Variants in PTPRA observed in about 807,000 individuals in gnomAD.
PTPRA encodes the protein protein tyrosine phosphatase receptor type A, also known as receptor-type tyrosine-protein phosphatase alpha.
A neutral mutation model predicts 104.8 loss-of-function variants in PTPRA; 25 were observed. That is an observed-to-expected ratio of 0.24 (90% CI 0.17 to 0.33). PTPRA has a LOEUF of 0.33. Ranked by LOEUF, PTPRA falls within the 10% of genes least tolerant of loss-of-function variation. The probability of loss-of-function intolerance (pLI) is 1.00; values close to 1 mark genes in which losing one functional copy is unlikely to be tolerated. For missense variants in PTPRA, 765 were observed against 1,015.3 expected (o/e 0.75, Z 3.35); for synonymous variants, 323 against 368.9 (o/e 0.88, Z 1.43).
At chr20:3,020,756 C>A (rs1291022849) in intron 13 of PTPRA, among the ~76,000 whole-genome samples, 1 of 152,202 alleles carries the variant, frequency 6.6e-6, no homozygotes, top group Non-Finnish European at 1.5e-5. Context: ...GTGTCATGAT[C>A]AACAGCTCCA....
intron 1 of PTPRA, among the ~76,000 whole-genome samples, chr20:2,910,920 CTTTT>C (rs11473733): frequency 7.6e-6 from 1 of 131,186 alleles, no homozygotes; most frequent in Non-Finnish European, 1.6e-5. Flanking sequence ...TTTATTTTAA[CTTTT>C]TTTTTTTTTT....
intron 9 of PTPRA, among the ~76,000 whole-genome samples, chr20:2,999,853 A>G (rs1600232931): frequency 1.3e-5 from 2 of 152,238 alleles, no homozygotes; most frequent in Admixed American, 1.3e-4. Context: ...ATGAATTTAC[A>G]TGAAAATGCA....
rs144514387 is a variant in PTPRA at position 3,007,089 on chromosome 20, A to G, written c.830-255A>G. ...ATATTGTCAGTTCATCTGTCAAGAAACTTTCTTTTTTCTCAACTACTTAGT... is the reference window on the plus strand; with the variant it reads ...ATATTGTCAGTTCATCTGTCAAGAAGCTTTCTTTTTTCTCAACTACTTAGT... On this transcript the variant is annotated intron_variant, in intron 10 of 23. Coordinates refer to ENST00000399903, the MANE Select transcript of PTPRA (RefSeq NM_001385305.1). 6.6e-5 allele frequency among the ~76,000 whole-genome samples: 10 copies of G among 152,288 alleles called. No homozygotes were observed. In the East Asian group the frequency reaches 1.9e-3, roughly 29 times the overall value.
chr20:2,984,925 C>T (rs1034832856), intron 6 of PTPRA, among the ~76,000 whole-genome samples: 1 of 152,196 alleles, frequency 6.6e-6, no homozygotes, highest in Admixed American at 6.5e-5. Context: ...GCTCCCCAAC[C>T]TGTCACTTTC....
intron 9 of PTPRA, among the ~76,000 whole-genome samples, chr20:2,997,969 A>G (rs1308883957): frequency 6.6e-6 from 1 of 151,994 alleles, no homozygotes; most frequent in Admixed American, 6.6e-5. Context: ...CTACAAAACA[A>G]TTTTTTTTAA....
At position 3,035,777 on chromosome 20, in the gene PTPRA, C is replaced by CT. The variant is rs200223263; in HGVS notation, c.2047-7dup. On this transcript the variant is annotated splice_polypyrimidine_tract_variant and intron_variant, in intron 21 of 23. Transcript: ENST00000399903. This position sits in a 1 kb window ranked among gnomAD's most constrained non-coding sequence, Gnocchi z 5.8. ...GGGTTACCCCTGCCTCCCTGATCCC[C>CT]TTTTTTCCAAAGGAGAATAAGAGCC... The CT allele has an allele frequency of 3.7e-6, 6 of 1,614,196 alleles. No homozygotes were observed. The East Asian group carries it at 1.3e-4, about 36-fold the overall frequency.
At chr20:2,952,882 G>T (rs1256399296) in intron 3 of PTPRA, among the ~76,000 whole-genome samples, 3 of 152,150 alleles carry the variant, frequency 2.0e-5, no homozygotes, top group African/African-American at 7.2e-5. Context: ...GGTAGCATGT[G>T]TCAGAATTTC....
intron 16 of PTPRA, among the ~76,000 whole-genome samples, chr20:3,024,097 C>T (rs2065019330): frequency 6.6e-6 from 1 of 152,158 alleles, no homozygotes; most frequent in Non-Finnish European, 1.5e-5. Context: ...ATTGGCTCTG[C>T]AGTTGGGGCA....
intron 6 of PTPRA, among the ~76,000 whole-genome samples, chr20:2,976,339 G>T (rs2062430897): frequency 1.3e-5 from 2 of 152,184 alleles, no homozygotes; most frequent in South Asian, 4.1e-4. Flanking sequence ...TTACAATAAA[G>T]TCAAAAGTCA....
intron 9 of PTPRA, among the ~76,000 whole-genome samples, chr20:2,997,403 G>A (rs1454907442): frequency 1.3e-5 from 2 of 152,098 alleles, no homozygotes; most frequent in African/African-American, 4.8e-5. Flanking sequence ...AGTTTGCTTC[G>A]ATGGATATAT....
intron 11 of PTPRA, among the ~76,000 whole-genome samples, chr20:3,009,008 AT>A (rs2064021013): frequency 6.6e-6 from 1 of 152,180 alleles, no homozygotes; most frequent in East Asian, 1.9e-4. Flanking sequence ...TAGTGTGAAC[AT>A]AAGAAGGGCT....
At chr20:2,864,216 C>T in the PTPRA span, 1 of 1,614,206 alleles carries the variant, frequency 6.2e-7, no homozygotes, top group African/African-American at 1.3e-5. The surrounding 1 kb of genome is among the most constrained non-coding windows in gnomAD (Gnocchi z 5.2). Flanking sequence ...GAGCAGGTAC[C>T]CCTTCTCCTA....
intron 1 of PTPRA, among the ~76,000 whole-genome samples, chr20:2,901,712 A>G (rs1009875820): frequency 6.6e-6 from 1 of 152,148 alleles, no homozygotes; most frequent in African/African-American, 2.4e-5. Flanking sequence ...TTGAAATTTT[A>G]CAATATACAA....
intron 17 of PTPRA, among the ~76,000 whole-genome samples, chr20:3,026,138 A>T (rs1265027244): frequency 6.6e-6 from 1 of 151,780 alleles, no homozygotes; most frequent in African/African-American, 2.4e-5. Flanking sequence ...GGGTTTCACC[A>T]TGTTGGCCAT....
At chr20:2,984,977 C>G (rs972895618) in intron 6 of PTPRA, among the ~76,000 whole-genome samples, 4 of 152,220 alleles carry the variant, frequency 2.6e-5, no homozygotes, top group Non-Finnish European at 5.9e-5. Context: ...GCACTTGTCC[C>G]TGTCTAAAAT....
intron 1 of PTPRA, among the ~76,000 whole-genome samples, chr20:2,912,987 T>C (rs930984259): frequency 6.6e-6 from 1 of 152,210 alleles, no homozygotes; most frequent in African/African-American, 2.4e-5. Context: ...TAAATACATG[T>C]ACAGAAAAAT....
chr20:2,892,284 T>C (rs1441511545), intron 1 of PTPRA, among the ~76,000 whole-genome samples: 4 of 119,134 alleles, frequency 3.4e-5, no homozygotes, highest in Non-Finnish European at 6.9e-5. Context: ...AATGAGACTC[T>C]GTCTCAAAAA....
chr20:2,949,806 CAT>C (rs2061293413), intron 3 of PTPRA, among the ~76,000 whole-genome samples: 2 of 151,354 alleles, frequency 1.3e-5, no homozygotes, highest in African/African-American at 2.4e-5. Flanking sequence ...ATCTTGAATT[CAT>C]ATGTTTTTAT....
upstream of PTPRA, among the ~76,000 whole-genome samples, chr20:2,869,549 G>C (rs1600023747): frequency 6.6e-6 from 1 of 152,324 alleles, no homozygotes; most frequent in East Asian, 1.9e-4. Flanking sequence ...TACATGGGTG[G>C]GCAGGGCCAA....
Sources: gnomAD v4.1 joint callset for allele counts (sites outside exome capture counted in the v4.1 genomes callset) on GRCh38, gnomAD v4.1.1 for gene constraint, Gnocchi (gnomAD v3.1) non-coding constraint, MANE v1.5 for transcripts, NCBI Gene and HGNC (gene_info 2026-07-23, HGNC 2026-07-21) for gene names.